The following RDX variants were observed in gnomAD, a reference collection of about 807,000 sequenced individuals.
RDX encodes deafness, autosomal recessive 24.
Under a neutral mutation model 83.7 loss-of-function variants are expected in RDX, and 32 were observed. The ratio of observed to expected loss-of-function variants is 0.38; its 90% CI spans 0.29 to 0.51. The LOEUF (loss-of-function observed/expected upper bound fraction) is 0.51, where lower values mean the gene tolerates loss of function less well. Among genes scored for constraint, RDX ranks in the 20% least tolerant of loss-of-function variants. The pLI is 0.87. For synonymous variants in RDX, 229 were observed against 222.7 expected (o/e 1.03, Z -0.25); for missense variants, 600 against 689.9 (o/e 0.87, Z 1.46).
rs528947637 is a variant in RDX at position 110,262,738 on chromosome 11, A to G, written c.467+1222T>C. 6.6e-5 allele frequency among the ~76,000 whole-genome samples: 10 copies of G among 152,346 alleles called. 1 individual carries two copies. Among genetic ancestry groups the G allele is most frequent in the African/African-American group, 2.4e-4 (10 of 41,582 alleles). On this transcript the variant is annotated intron_variant, in intron 5 of 13. Transcript: ENST00000645495. ...TAATCATAAACTAGAAGGTAGCCAG[A>G]GAAGGATTATTATCCCCACTTTGCA...
intron 14 of RDX, among the ~76,000 whole-genome samples, chr11:110,223,990 A>C (rs1404025046): frequency 1.3e-5 from 2 of 152,082 alleles, no homozygotes; most frequent in Non-Finnish European, 2.9e-5. Flanking sequence ...GCGCCATTGC[A>C]CTCCAGCCTG....
In RDX at chr11:110,231,775, G is replaced by T; in HGVS notation, c.*94C>A. The T allele has an allele frequency of 7.1e-7, 1 of 1,399,176 alleles. No homozygotes were observed. The highest frequency in any genetic ancestry group is 1.0e-6 in the Non-Finnish European group (1 of 993,836). The allele number at this position is 1,399,176 out of a possible 1,614,324, so 86.7% of individuals were successfully genotyped here. ...CAGTCAAACTGGTGTAAGTGCTTTG[G>T]CAAGGTGGGATGCATTCCATCATAT... is the stretch of plus-strand genomic sequence containing the variant. On this transcript the variant is annotated 3_prime_UTR_variant, in exon 14 of 14. Coordinates refer to ENST00000645495, the MANE Select transcript of RDX (RefSeq NM_002906.4).
chr11:110,217,430 G>A (rs1315630218), intron 14 of RDX, among the ~76,000 whole-genome samples: 1 of 152,162 alleles, frequency 6.6e-6, no homozygotes, highest in East Asian at 1.9e-4. Context: ...CGCCTGTCAA[G>A]CGCTAACATA....
chr11:110,280,349 T>A (rs924108687), intron 1 of RDX, among the ~76,000 whole-genome samples: 3 of 152,156 alleles, frequency 2.0e-5, no homozygotes, highest in African/African-American at 7.2e-5. Context: ...GTTCAAGTGA[T>A]CCTCCTGCCT....
At chr11:110,264,716 A>T in intron 4 of RDX, 63 bp downstream of exon 4, 1 of 1,233,760 alleles carries the variant, frequency 8.1e-7, no homozygotes, top group Non-Finnish European at 1.2e-6. Context: ...TAGCTTTTCC[A>T]GCACAAATTC....
intron 2 of RDX, among the ~76,000 whole-genome samples, chr11:110,274,014 ACTT>A (rs34244634): frequency 0.28 from 42,997 of 151,958 alleles, 6,275 homozygotes; most frequent in East Asian, 0.49. Flanking sequence ...TCTAAATCAG[ACTT>A]CTTATTTCCC....
chr11:110,270,383 A>G (rs1320723927), intron 3 of RDX, among the ~76,000 whole-genome samples: 1 of 152,218 alleles, frequency 6.6e-6, no homozygotes, highest in Non-Finnish European at 1.5e-5. Flanking sequence ...ATCTAAACAT[A>G]GAAAAGGTAT....
chr11:110,286,648 T>G (rs1016907105), intron 1 of RDX, among the ~76,000 whole-genome samples: 1 of 152,226 alleles, frequency 6.6e-6, no homozygotes, highest in South Asian at 2.1e-4. Flanking sequence ...TTTTAAATTT[T>G]TTTCTGCCTT....
downstream of RDX, among the ~76,000 whole-genome samples, chr11:110,227,867 A>G (rs1437228180): frequency 1.3e-5 from 2 of 152,146 alleles, no homozygotes; most frequent in Admixed American, 1.3e-4. Context: ...AAGATCTTTC[A>G]TGTAAAAATT....
intron 15 of RDX, among the ~76,000 whole-genome samples, chr11:110,191,142 A>C (rs561474648): frequency 6.6e-6 from 1 of 152,342 alleles, no homozygotes; most frequent in African/African-American, 2.4e-5. Flanking sequence ...CAACAAAAAA[A>C]GAAAACTACA....
At chr11:110,269,876 A>G (rs1443916570) in intron 3 of RDX, among the ~76,000 whole-genome samples, 2 of 151,988 alleles carry the variant, frequency 1.3e-5, no homozygotes, top group Non-Finnish European at 2.9e-5. Context: ...CATCTCTACC[A>G]AAAATACAAA....
intron 10 of RDX, 132 bp downstream of exon 10, chr11:110,247,567 CTAAG>C: frequency 1.2e-6 from 1 of 827,728 alleles, no homozygotes; most frequent in South Asian, 1.8e-5. Flanking sequence ...TGTGATTCCA[CTAAG>C]TATTAATTTG....
chr11:110,288,201 T>A (rs543702991), intron 1 of RDX: 1 of 152,232 alleles, frequency 6.6e-6, no homozygotes, highest in East Asian at 1.9e-4. Flanking sequence ...TACATGTTAC[T>A]GAAAATGCAA....
intron 15 of RDX, among the ~76,000 whole-genome samples, chr11:110,193,613 A>C (rs1248238040): frequency 6.6e-6 from 1 of 152,216 alleles, no homozygotes; most frequent in African/African-American, 2.4e-5. Context: ...TTTAACATGA[A>C]AATTATGCTA....
rs577252250 is a variant in RDX at position 110,201,859 on chromosome 11, A to T, written c.1749-2181T>A. ...CCAGCGATTCCTGTCTCAGCTTCCC[A>T]GGTAGCTGGGATTACAGACACATGC... On this transcript the variant is annotated intron_variant, in intron 14 of 15. Coordinates refer to the RDX transcript ENST00000528498. 4.0e-5 allele frequency among the ~76,000 whole-genome samples: 6 copies of T among 151,134 alleles called. No homozygotes were observed. In the East Asian group the frequency reaches 9.9e-4, roughly 25 times the overall value.
chr11:110,281,322 AT>A (rs754256440), intron 1 of RDX, among the ~76,000 whole-genome samples: 376 of 143,050 alleles, frequency 2.6e-3, no homozygotes, highest in Admixed American at 2.3e-3. Context: ...TCCTCCTGAG[AT>A]TTTTTTTTTT....
chr11:110,255,459 G>C lies in RDX; in HGVS notation c.699-74C>G, dbSNP rs547896832. On this transcript the variant is annotated intron_variant, in intron 7 of 13. Coordinates refer to ENST00000645495, the MANE Select transcript of RDX (RefSeq NM_002906.4). ...AAAATTCCTGTTTAGGACCTAAACT[G>C]ACTGAATGACCAATCTTAAGAGTTC... is the stretch of plus-strand genomic sequence containing the variant. The C allele has an allele frequency of 5.1e-6, 4 of 788,558 alleles. No homozygotes were observed. The Admixed American group carries it at 7.4e-5, about 15-fold the overall frequency. 48.8% of individuals were successfully genotyped at this position (788,558 alleles called of 1,614,324 possible). A position where few individuals can be genotyped will look rare whatever the true frequency, so the allele number is the denominator to read the frequency against.
chr11:110,232,046 T>C lies in RDX; in HGVS notation c.1588-13A>G. 3 of 1,598,036 alleles carry C rather than the reference T, an allele frequency of 1.9e-6. No individual in the cohort carries two copies. Among genetic ancestry groups the C allele is most frequent in the African/African-American group, 1.3e-5 (1 of 74,730 alleles). On this transcript the variant is annotated splice_polypyrimidine_tract_variant and intron_variant, in intron 13 of 13. Coordinates refer to ENST00000645495, the MANE Select transcript of RDX (RefSeq NM_002906.4). ...CTGAACTTAATGCCTATTTAAAAAA[T>C]AAAAAGTACAACTATTATTTTTTTC...
rs78422471 is a variant in RDX, at chr11:110,216,268, A to G, written c.1748+15605T>C. Among the ~76,000 whole-genome samples the G allele has an allele frequency of 5.1e-4, 78 of 152,120 alleles. No individual in the cohort carries two copies. The East Asian group carries it at 0.014, about 27-fold the overall frequency. On this transcript the variant is annotated intron_variant, in intron 14 of 15. Transcript: ENST00000528498. ...CTCTTTCTTGCCTCAAAGTATTTGC[A>G]TATGTTGTTCCTTCTACCTGGAATT...
Sources: gnomAD v4.1 joint callset for allele counts (sites outside exome capture counted in the v4.1 genomes callset) on GRCh38, gnomAD v4.1.1 for gene constraint, MANE v1.5 for transcripts, NCBI Gene and HGNC (gene_info 2026-07-23, HGNC 2026-07-21) for gene names.